Variants in ARHGAP10 observed in about 807,000 individuals in gnomAD.
ARHGAP10 encodes the protein Rho GTPase activating protein 10, also known as rho GTPase-activating protein 10.
In ARHGAP10, 87 loss-of-function variants were observed where a neutral mutation model predicts 108.6. The ratio of observed to expected loss-of-function variants is 0.80; its 90% CI spans 0.67 to 0.96. ARHGAP10 has a LOEUF of 0.96. Among genes scored for constraint, ARHGAP10 ranks in the 40% least tolerant of loss-of-function variants. The pLI, the probability that ARHGAP10 is intolerant of heterozygous loss-of-function variation, is 0.00. For synonymous variants in ARHGAP10, 347 were observed against 341.1 expected, an observed-to-expected ratio of 1.02 and a Z score of -0.19; for missense variants, 939 against 954.5, an observed-to-expected ratio of 0.98 and a Z score of 0.21.
intron 8 of ARHGAP10, among the ~76,000 whole-genome samples, chr4:147,877,840 G>A (rs1434739885): frequency 9.6e-6 from 1 of 104,688 alleles, no homozygotes; most frequent in Non-Finnish European, 1.7e-5. Context: ...TTTTTGCTGA[G>A]ATTACAGGCA....
In ARHGAP10 at chr4:148,071,991, A is replaced by C. The variant is rs1730203218; in HGVS notation, c.2273-2A>C. The C allele has an allele frequency of 6.2e-7, 1 of 1,611,488 alleles. No individual in the cohort carries two copies. The highest frequency in any genetic ancestry group is 8.5e-7 in the Non-Finnish European group (1 of 1,179,008). ...AAAAGTGATTTTTCTCTTCCTTTTC[A>C]GTACAAACCTCCAGGGAACCTGGCT... On this transcript the variant is annotated splice_acceptor_variant, in intron 22 of 22. Coordinates refer to ENST00000336498, the MANE Select transcript of ARHGAP10 (RefSeq NM_024605.4). LOFTEE classifies it high-confidence loss of function.
chr4:148,048,885 A>G (rs1578826587), intron 20 of ARHGAP10, among the ~76,000 whole-genome samples: 1 of 152,198 alleles, frequency 6.6e-6, no homozygotes, highest in South Asian at 2.1e-4. Context: ...TTAAAATGTC[A>G]TGAAAAGCAC....
chr4:147,983,610 G>A (rs1195004998), intron 18 of ARHGAP10, among the ~76,000 whole-genome samples: 5 of 151,056 alleles, frequency 3.3e-5, no homozygotes, highest in Non-Finnish European at 7.4e-5. Context: ...ACTTCCAACT[G>A]TATTTTGAAA....
intron 18 of ARHGAP10, among the ~76,000 whole-genome samples, chr4:147,977,665 A>G (rs1404800111): frequency 2.0e-5 from 3 of 151,060 alleles, no homozygotes; most frequent in Non-Finnish European, 3.0e-5. Flanking sequence ...TTTTTTTTCC[A>G]TTTTATTTTA....
In ARHGAP10 at chr4:147,901,238, G is replaced by A. The variant is rs993286596; in HGVS notation, c.1035-5400G>A. Among the ~76,000 whole-genome samples the A allele has an allele frequency of 2.6e-5, 4 of 152,260 alleles. No individual in the cohort carries two copies. In the East Asian group the frequency reaches 5.8e-4, roughly 22 times the overall value. ...ATGGTTGAAACATGTTCTAGCAAAC[G>A]TTTTATTTTTCCTACACTAATACTT... On this transcript the variant is annotated intron_variant, in intron 10 of 22. Coordinates refer to ENST00000336498, the MANE Select transcript of ARHGAP10 (RefSeq NM_024605.4).
At chr4:148,031,346 T>A (rs1256882297) in intron 19 of ARHGAP10, among the ~76,000 whole-genome samples, 1 of 152,206 alleles carries the variant, frequency 6.6e-6, no homozygotes, top group Non-Finnish European at 1.5e-5. Context: ...CCAAGTACTG[T>A]TATTGGCAAT....
At chr4:147,946,817 A>G (rs867548427) in intron 15 of ARHGAP10, 113 bp downstream of exon 15, 4 of 818,562 alleles carry the variant, frequency 4.9e-6, no homozygotes, top group Non-Finnish European at 5.1e-6. Flanking sequence ...TTATTTTAAA[A>G]AGGGAAAATT....
intron 1 of ARHGAP10, among the ~76,000 whole-genome samples, chr4:147,796,209 G>C (rs1731310914): frequency 6.6e-6 from 1 of 151,990 alleles, no homozygotes; most frequent in South Asian, 2.1e-4. Context: ...TCCATTCATT[G>C]AACATTTGTT....
At chr4:147,803,917 T>G (rs1037379891) in intron 1 of ARHGAP10, among the ~76,000 whole-genome samples, 3 of 152,192 alleles carry the variant, frequency 2.0e-5, no homozygotes, top group African/African-American at 7.2e-5. Context: ...AGGTTTCCCT[T>G]TGATATGCTG....
intron 3 of ARHGAP10, among the ~76,000 whole-genome samples, chr4:147,823,862 G>A (rs1262569225): frequency 2.0e-5 from 3 of 152,182 alleles, no homozygotes; most frequent in South Asian, 4.1e-4. Context: ...GATCTCATTT[G>A]CACTCAACTG....
At chr4:147,795,928 C>T (rs554185155) in intron 1 of ARHGAP10, among the ~76,000 whole-genome samples, 5 of 152,116 alleles carry the variant, frequency 3.3e-5, no homozygotes, top group African/African-American at 1.2e-4. Context: ...CTCCTGACCT[C>T]GTGATCCGCC....
At chr4:147,982,030 T>C (rs1385665672) in intron 18 of ARHGAP10, among the ~76,000 whole-genome samples, 1 of 152,134 alleles carries the variant, frequency 6.6e-6, no homozygotes, top group Non-Finnish European at 1.5e-5. Context: ...CCACCCTATG[T>C]CTTTTATTTT....
intron 16 of ARHGAP10, among the ~76,000 whole-genome samples, chr4:147,957,810 A>C (rs541429296): frequency 1.3e-5 from 2 of 152,296 alleles, no homozygotes; most frequent in African/African-American, 4.8e-5. Context: ...CATGATACAA[A>C]TATAAATTTC....
chr4:148,063,739 G>T (rs1188976448), intron 21 of ARHGAP10, among the ~76,000 whole-genome samples: 1 of 152,298 alleles, frequency 6.6e-6, no homozygotes, highest in Middle Eastern at 3.4e-3. Context: ...TGGCTCAGGT[G>T]CTTCTTCCTG....
At chr4:148,067,641 C>T (rs953145116) in intron 22 of ARHGAP10, among the ~76,000 whole-genome samples, 5 of 152,338 alleles carry the variant, frequency 3.3e-5, no homozygotes, top group African/African-American at 1.2e-4. Context: ...GATGCTCTTG[C>T]AGTGCAATTC....
intron 1 of ARHGAP10, among the ~76,000 whole-genome samples, chr4:147,787,469 C>T (rs1461403577): frequency 5.9e-5 from 9 of 151,804 alleles, no homozygotes; most frequent in Non-Finnish European, 1.0e-4. Flanking sequence ...GGAGGAGGCT[C>T]GCAAATGTGT....
At chr4:148,049,221 C>A (rs1488043578) in intron 20 of ARHGAP10, among the ~76,000 whole-genome samples, 1 of 152,106 alleles carries the variant, frequency 6.6e-6, no homozygotes, top group African/African-American at 2.4e-5. Flanking sequence ...ACACTGCTGG[C>A]CCCACCCTGG....
chr4:147,776,063 T>G (rs186770935), intron 1 of ARHGAP10, among the ~76,000 whole-genome samples: 99 of 152,330 alleles, frequency 6.5e-4, no homozygotes, highest in African/African-American at 2.2e-3. Context: ...TTGAGATTTC[T>G]AAGACTTTTG....
intron 16 of ARHGAP10, among the ~76,000 whole-genome samples, chr4:147,960,642 G>A (rs1372411029): frequency 1.3e-5 from 2 of 152,110 alleles, no homozygotes; most frequent in Non-Finnish European, 2.9e-5. Context: ...AATATAACAT[G>A]GGCTCAAATA....
Sources: allele counts gnomAD v4.1 joint callset (sites outside exome capture counted in the v4.1 genomes callset), GRCh38; gene constraint gnomAD v4.1.1; transcripts MANE v1.5; gene names NCBI Gene and HGNC (gene_info 2026-07-23, HGNC 2026-07-21).